The following EDA variants were observed in gnomAD, a reference collection of about 807,000 sequenced individuals.
EDA encodes ectodysplasin A.
EDA carries 2 observed loss-of-function variants against 23.6 expected under a neutral mutation model. The observed-to-expected ratio is 0.08, with a 90% CI of 0.03 to 0.27. The LOEUF is 0.27. EDA is among the 10% of genes least tolerant of loss of function. EDA has a pLI of 1.00. For synonymous variants in EDA, 131 were observed against 132.0 expected (o/e 0.99, Z 0.05); for missense variants, 229 against 324.2 (o/e 0.71, Z 2.26).
intron 1 of EDA, among the ~76,000 whole-genome samples, chrX:69,844,099 G>A (rs940201269): frequency 9.1e-6 from 1 of 110,352 alleles, no homozygotes; most frequent in African/African-American, 3.3e-5. Context: ...GAAAAAAGGG[G>A]GTGGGAGAAG....
chrX:69,835,828 G>A (rs2016758150), intron 1 of EDA, among the ~76,000 whole-genome samples: 1 of 112,057 alleles, frequency 8.9e-6, no homozygotes, highest in African/African-American at 3.2e-5. Flanking sequence ...TTCTGCTCTG[G>A]TTTCTCCCCA....
At chrX:69,708,663 A>G (rs778290843) in intron 1 of EDA, among the ~76,000 whole-genome samples, 2 of 111,648 alleles carry the variant, frequency 1.8e-5, no homozygotes, top group South Asian at 7.6e-4. Context: ...TGCAACTCAT[A>G]TATTTTAAGT....
chrX:69,803,684 C>T (rs1204207140), intron 1 of EDA, among the ~76,000 whole-genome samples: 4 of 110,533 alleles, frequency 3.6e-5, no homozygotes, highest in Non-Finnish European at 7.6e-5. Flanking sequence ...AGTAGCCTCC[C>T]TTTAGCTATT....
intron 7 of EDA, 148 bp from the exon 8 acceptor site, chrX:70,035,210 C>A: frequency 4.6e-6 from 3 of 658,181 alleles, no homozygotes; most frequent in Non-Finnish European, 6.9e-6. Flanking sequence ...TTCCTGTTGG[C>A]CAGCTAGCAC....
chrX:69,709,532 G>T (rs1275581366), intron 1 of EDA, among the ~76,000 whole-genome samples: 1 of 111,858 alleles, frequency 8.9e-6, no homozygotes, highest in Non-Finnish European at 1.9e-5. Flanking sequence ...AACAGTTATA[G>T]CACTCACCTG....
chrX:69,958,952 C>T lies in EDA; in HGVS notation c.502+1820C>T, dbSNP rs1409367211. On this transcript the variant is annotated intron_variant, in intron 2 of 7. Coordinates refer to ENST00000374552, the MANE Select transcript of EDA (RefSeq NM_001399.5). ...CACCTTCTATAGTGGGCGTGGTCTT[C>T]CCTCCCTCTCTGAGTGGTAAGTCTA... Among the ~76,000 whole-genome samples the T allele has an allele frequency of 6.3e-5, 7 of 111,267 alleles. No individual in the cohort carries two copies. In the East Asian group the frequency reaches 2.0e-3, roughly 32 times the overall value.
At chrX:69,894,383 AT>A (rs1167708407) in intron 1 of EDA, among the ~76,000 whole-genome samples, 1 of 111,797 alleles carries the variant, frequency 8.9e-6, no homozygotes, top group Non-Finnish European at 1.9e-5. Flanking sequence ...TGTGTTGGCT[AT>A]TCGAGCTCCT....
intron 2 of EDA, among the ~76,000 whole-genome samples, chrX:69,960,139 G>A (rs1214991176): frequency 9.0e-6 from 1 of 111,446 alleles, no homozygotes; most frequent in Admixed American, 9.6e-5. Flanking sequence ...ATTGAAAATA[G>A]GTGCAGGAAG....
chrX:69,681,600 C>T (rs1330924604), intron 1 of EDA, among the ~76,000 whole-genome samples: 1 of 111,176 alleles, frequency 9.0e-6, no homozygotes, highest in African/African-American at 3.3e-5. Context: ...ACCCTTTCTT[C>T]CAGTTGATCG....
chrX:69,693,295 A>G (rs1934765034), intron 1 of EDA: 1 of 111,712 alleles, frequency 9.0e-6, no homozygotes, highest in African/African-American at 3.3e-5. Flanking sequence ...CTGTTTAACC[A>G]CCATGACTAT....
Position 69,891,680 on chromosome X carries a change from C to T in EDA, c.397-65347C>T, listed in dbSNP as rs536029572. ...TGCAGGAACAGAAAACCAAGTACCACGTGTTCTCACTTATCAGTGGGAGCT... is the reference window on the plus strand; with the variant it reads ...TGCAGGAACAGAAAACCAAGTACCATGTGTTCTCACTTATCAGTGGGAGCT... On this transcript the variant is annotated intron_variant, in intron 1 of 7. Coordinates refer to ENST00000374552, the MANE Select transcript of EDA (RefSeq NM_001399.5). 1.1e-3 allele frequency among the ~76,000 whole-genome samples: 121 copies of T among 111,396 alleles called. 3 individuals carry two copies. In the South Asian group the frequency reaches 0.045, roughly 41 times the overall value.
intron 2 of EDA, among the ~76,000 whole-genome samples, chrX:70,011,949 T>A (rs910137341): frequency 9.0e-6 from 1 of 111,676 alleles, no homozygotes; most frequent in African/African-American, 3.3e-5. Flanking sequence ...CATTTTGTGG[T>A]TGAGTAAGCA....
chrX:69,844,908 T>C (rs141907915), intron 1 of EDA, among the ~76,000 whole-genome samples: 1,731 of 112,193 alleles, frequency 0.015, 32 homozygotes, highest in African/African-American at 0.054. Context: ...CGTAAGTACA[T>C]TTCTCCTCTT....
intron 1 of EDA, among the ~76,000 whole-genome samples, chrX:69,667,135 T>G (rs1389222622): frequency 9.6e-6 from 1 of 104,039 alleles, no homozygotes; most frequent in Non-Finnish European, 2.0e-5. Flanking sequence ...TTTTTTTTTT[T>G]GAAATGGAGT....
intron 1 of EDA, among the ~76,000 whole-genome samples, chrX:69,722,739 A>G (rs1290004748): frequency 9.0e-6 from 1 of 111,282 alleles, no homozygotes; most frequent in Non-Finnish European, 1.9e-5. Context: ...AGTCAGACAG[A>G]CTTGCATTTG....
chrX:69,891,411 G>A (rs942459203), intron 1 of EDA, among the ~76,000 whole-genome samples: 3 of 111,411 alleles, frequency 2.7e-5, no homozygotes, highest in East Asian at 5.6e-4. Context: ...GTATATATTC[G>A]TTATATATGT....
At chrX:69,979,708 T>C (rs921646965) in intron 2 of EDA, among the ~76,000 whole-genome samples, 1 of 111,742 alleles carries the variant, frequency 8.9e-6, no homozygotes, top group Non-Finnish European at 1.9e-5. Flanking sequence ...AATGTCTATT[T>C]AGATATTTTG....
chrX:69,962,032 G>C (rs1484751665), intron 2 of EDA, among the ~76,000 whole-genome samples: 1 of 112,251 alleles, frequency 8.9e-6, no homozygotes, highest in Non-Finnish European at 1.9e-5. Flanking sequence ...GAGGTCATGA[G>C]GCCTTAGAAT....
intron 1 of EDA, among the ~76,000 whole-genome samples, chrX:69,833,877 G>A (rs757605106): frequency 1.8e-5 from 2 of 109,509 alleles, no homozygotes; most frequent in Non-Finnish European, 3.8e-5. Context: ...TACGTATACA[G>A]GTGCCATGTT....
Sources: gnomAD v4.1 joint callset for allele counts (sites outside exome capture counted in the v4.1 genomes callset) on GRCh38, gnomAD v4.1.1 for gene constraint, MANE v1.5 for transcripts, NCBI Gene and HGNC (gene_info 2026-07-23, HGNC 2026-07-21) for gene names.